Variants in DNM3 observed in about 807,000 individuals in gnomAD.
DNM3 encodes the protein dynamin 3, also known as dynamin-3.
A neutral mutation model predicts 101.6 loss-of-function variants in DNM3; 47 were observed. The observed-to-expected ratio is 0.46, with a 90% CI of 0.37 to 0.59. The LOEUF (loss-of-function observed/expected upper bound fraction) is 0.59. Among genes scored for constraint, DNM3 ranks in the 20% least tolerant of loss-of-function variants. DNM3 has a pLI of 0.00. For synonymous variants in DNM3, 385 were observed against 387.9 expected (o/e 0.99, Z 0.09); for missense variants, 849 against 1,085.7 (o/e 0.78, Z 3.06).
intron 2 of DNM3, 122 bp downstream of exon 2, chr1:171,921,943 A>G: frequency 1.4e-6 from 1 of 732,434 alleles, no homozygotes; most frequent in South Asian, 1.9e-5. Context: ...GCAGCTGCCC[A>G]CATTTCTCTC....
intron 14 of DNM3, among the ~76,000 whole-genome samples, chr1:172,144,056 T>G (rs1175561353): frequency 6.6e-6 from 1 of 152,160 alleles, no homozygotes; most frequent in Non-Finnish European, 1.5e-5. Context: ...TTTAAATCTT[T>G]GAATTATTAT....
downstream of DNM3, among the ~76,000 whole-genome samples, chr1:172,416,148 G>T (rs567960374): frequency 1.3e-5 from 2 of 152,248 alleles, no homozygotes; most frequent in East Asian, 3.9e-4. Context: ...TGAATACTAG[G>T]ATGGTGAGCT....
chr1:172,394,787 T>C (rs147608188), intron 20 of DNM3, among the ~76,000 whole-genome samples: 17 of 152,186 alleles, frequency 1.1e-4, no homozygotes, highest in Non-Finnish European at 2.5e-4. Flanking sequence ...TTATTCTTCC[T>C]GCAACCAGTC....
At chr1:172,128,165 A>G (rs1441554740) in intron 13 of DNM3, among the ~76,000 whole-genome samples, 1 of 152,148 alleles carries the variant, frequency 6.6e-6, no homozygotes, top group Non-Finnish European at 1.5e-5. Flanking sequence ...TTCCATCTTG[A>G]ACCACTGCTA....
intron 4 of DNM3, among the ~76,000 whole-genome samples, chr1:172,027,887 T>C (rs936216850): frequency 8.1e-4 from 124 of 152,244 alleles, no homozygotes; most frequent in African/African-American, 2.9e-3. Flanking sequence ...CCTAAATATA[T>C]ATGCACCCAA....
intron 14 of DNM3, chr1:172,137,993 A>G (rs997595870): frequency 3.9e-5 from 6 of 152,140 alleles, no homozygotes; most frequent in Non-Finnish European, 5.9e-5. Flanking sequence ...CAAGATCTTG[A>G]AAGTTTATAG....
At chr1:172,207,048 G>A (rs974016850) in intron 14 of DNM3, among the ~76,000 whole-genome samples, 1 of 152,022 alleles carries the variant, frequency 6.6e-6, no homozygotes, top group Non-Finnish European at 1.5e-5. Context: ...TTCTTAAGGA[G>A]CAGAAGCCTG....
intron 4 of DNM3, among the ~76,000 whole-genome samples, chr1:172,031,503 G>C (rs564594673): frequency 3.4e-5 from 4 of 117,358 alleles, no homozygotes; most frequent in African/African-American, 1.3e-4. Context: ...AACCACCACG[G>C]CACTCGTATA....
At chr1:172,093,653 ACT>A in intron 13 of DNM3, 4 of 1,568,428 alleles carry the variant, frequency 2.6e-6, no homozygotes, top group Non-Finnish European at 3.4e-6. Context: ...TATTTTAAAA[ACT>A]TTTTTTCTGA....
chr1:171,888,057 CT>C (rs2036931342), intron 1 of DNM3, among the ~76,000 whole-genome samples: 1 of 147,948 alleles, frequency 6.8e-6, no homozygotes, highest in Non-Finnish European at 1.5e-5. Context: ...CTGAAGCTTT[CT>C]TCTTTTTTTT....
chr1:172,170,229 A>C (rs1372944343), intron 14 of DNM3, among the ~76,000 whole-genome samples: 3 of 151,912 alleles, frequency 2.0e-5, no homozygotes, highest in Non-Finnish European at 4.4e-5. Context: ...AAGTCCTCTC[A>C]ATATCAAGTG....
At chr1:171,871,469 G>T (rs2035276467) in intron 1 of DNM3, among the ~76,000 whole-genome samples, 1 of 152,188 alleles carries the variant, frequency 6.6e-6, no homozygotes, top group African/African-American at 2.4e-5. Context: ...ACCTGAATGT[G>T]CAGCAAAAGA....
chr1:172,142,804 C>G (rs1245900325), intron 14 of DNM3, among the ~76,000 whole-genome samples: 1 of 148,690 alleles, frequency 6.7e-6, no homozygotes, highest in Non-Finnish European at 1.5e-5. Flanking sequence ...GCTATTTTTC[C>G]TCTTCAGTAA....
intron 16 of DNM3, 46 bp from the exon 17 acceptor site, chr1:172,323,283 C>A (rs1394476578): frequency 6.5e-7 from 1 of 1,535,686 alleles, no homozygotes. Flanking sequence ...AAATAAATTT[C>A]TGTTTAACAT....
intron 15 of DNM3, among the ~76,000 whole-genome samples, chr1:172,304,036 C>T (rs190653039): frequency 7.3e-5 from 11 of 151,560 alleles, no homozygotes; most frequent in African/African-American, 2.4e-4. Flanking sequence ...ACAATATTAA[C>T]CTTAAATGTA....
At chr1:172,258,253 G>A (rs1192707025) in intron 15 of DNM3, among the ~76,000 whole-genome samples, 2 of 151,950 alleles carry the variant, frequency 1.3e-5, no homozygotes, top group East Asian at 1.9e-4. Context: ...ATGGGAGCGC[G>A]TGTGTCTCTT....
At chr1:171,933,660 T>C (rs2041198950) in intron 2 of DNM3, among the ~76,000 whole-genome samples, 1 of 152,086 alleles carries the variant, frequency 6.6e-6, no homozygotes, top group Non-Finnish European at 1.5e-5. Flanking sequence ...AGAGAGCTAC[T>C]GTTGCTGCAA....
intron 4 of DNM3, among the ~76,000 whole-genome samples, chr1:172,026,659 C>G (rs981982795): frequency 7.0e-5 from 10 of 143,480 alleles, no homozygotes; most frequent in African/African-American, 2.5e-4. Flanking sequence ...ATTCAACATG[C>G]TTTTTTTTTT....
intron 1 of DNM3, 65 bp from the exon 2 acceptor site, chr1:171,921,683 G>A (rs1275673795): frequency 7.3e-7 from 1 of 1,373,184 alleles, no homozygotes; most frequent in African/African-American, 1.4e-5. Flanking sequence ...GTGGAACTTG[G>A]TTTATGAATG....
Sources: allele counts gnomAD v4.1 joint callset (sites outside exome capture counted in the v4.1 genomes callset), GRCh38; gene constraint gnomAD v4.1.1; transcripts MANE v1.5; gene names NCBI Gene and HGNC (gene_info 2026-07-23, HGNC 2026-07-21).